The following GALNTL6 variants were observed in gnomAD, a reference collection of about 807,000 sequenced individuals.
The protein encoded by GALNTL6 is polypeptide N-acetylgalactosaminyltransferase like 6.
GALNTL6 carries 46 observed loss-of-function variants against 73.7 expected under a neutral mutation model. That is an observed-to-expected ratio of 0.62 (90% CI 0.49 to 0.80). The LOEUF (loss-of-function observed/expected upper bound fraction) is 0.80. Among genes scored for constraint, GALNTL6 ranks in the 30% least tolerant of loss-of-function variants. The probability of loss-of-function intolerance (pLI) is 0.00; values close to 1 mark genes in which losing one functional copy is unlikely to be tolerated. For synonymous variants in GALNTL6, 259 were observed against 263.7 expected (o/e 0.98, Z 0.17); for missense variants, 604 against 755.0 (o/e 0.80, Z 2.34).
chr4:172,712,451 C>T (rs1177044900), intron 5 of GALNTL6, among the ~76,000 whole-genome samples: 1 of 151,994 alleles, frequency 6.6e-6, no homozygotes, highest in Non-Finnish European at 1.5e-5. Flanking sequence ...ACTCCCCCCA[C>T]CTCACAACAG....
intron 5 of GALNTL6, among the ~76,000 whole-genome samples, chr4:172,705,002 A>T (rs1228360784): frequency 6.6e-6 from 1 of 151,510 alleles, no homozygotes; most frequent in African/African-American, 2.4e-5. Flanking sequence ...AAGTATAGCT[A>T]CTCCTGCCCT....
chr4:172,378,562 ATAAAT>A (rs1189626231), intron 5 of GALNTL6, among the ~76,000 whole-genome samples: 3 of 152,196 alleles, frequency 2.0e-5, no homozygotes, highest in African/African-American at 7.2e-5. Flanking sequence ...ATACTTTGAG[ATAAAT>A]TAGAAAGATG....
At chr4:172,262,447 C>T (rs1297924803) in intron 3 of GALNTL6, among the ~76,000 whole-genome samples, 2 of 151,524 alleles carry the variant, frequency 1.3e-5, no homozygotes, top group African/African-American at 2.4e-5. Flanking sequence ...GCTACTCCTA[C>T]TCACTTTTGG....
rs560272389 is a variant in GALNTL6, at chr4:172,892,788, G to A, written c.1041+9881G>A. Among the ~76,000 whole-genome samples the A allele has an allele frequency of 6.6e-5, 10 of 152,142 alleles. No homozygotes were observed. The East Asian group carries it at 1.9e-3, about 29-fold the overall frequency. ...TTGGTAGAGCCCTTTTCAATTATTGGTGTTGCCTCCATGATTTCTTAGTCT... is the reference window on the plus strand; with the variant it reads ...TTGGTAGAGCCCTTTTCAATTATTGATGTTGCCTCCATGATTTCTTAGTCT... On this transcript the variant is annotated intron_variant, in intron 8 of 12. Coordinates refer to ENST00000506823, the MANE Select transcript of GALNTL6 (RefSeq NM_001034845.3).
chr4:171,853,692 T>C (rs1256901623), intron 2 of GALNTL6, among the ~76,000 whole-genome samples: 1 of 135,684 alleles, frequency 7.4e-6, no homozygotes, highest in African/African-American at 2.7e-5. Context: ...CTCACTGCAA[T>C]CTCTGCCTCC....
At chr4:172,227,095 G>C (rs748638931) in intron 2 of GALNTL6, among the ~76,000 whole-genome samples, 1 of 152,074 alleles carries the variant, frequency 6.6e-6, no homozygotes, top group Non-Finnish European at 1.5e-5. Flanking sequence ...GAGTGAAGTC[G>C]TGAAAATAGT....
At chr4:172,768,901 C>A (rs141481565) in intron 5 of GALNTL6, among the ~76,000 whole-genome samples, 4 of 151,936 alleles carry the variant, frequency 2.6e-5, no homozygotes, top group Admixed American at 2.6e-4. Flanking sequence ...TGTGACCACC[C>A]TGTCTGTATT....
chr4:171,910,816 C>G (rs543069076), intron 2 of GALNTL6, among the ~76,000 whole-genome samples: 1 of 152,172 alleles, frequency 6.6e-6, no homozygotes, highest in African/African-American at 2.4e-5. Flanking sequence ...TCTTAATCAA[C>G]AGGTTGGTAC....
At chr4:172,290,424 T>C (rs1292698160) in intron 3 of GALNTL6, among the ~76,000 whole-genome samples, 3 of 152,110 alleles carry the variant, frequency 2.0e-5, no homozygotes, top group African/African-American at 7.2e-5. Flanking sequence ...TTTCTTAGCT[T>C]TACTTATATT....
Position 172,289,668 on chromosome 4 carries a change from A to G in GALNTL6, c.248-21946A>G, listed in dbSNP as rs1739393321. On this transcript the variant is annotated intron_variant, in intron 3 of 12. Transcript: ENST00000506823. ...AGCTGGCACAATCCTGGCAAGGGTC[A>G]CTCTCAAAATATCCACTGCAACAAA... Among the ~76,000 whole-genome samples the G allele has an allele frequency of 4.6e-5, 7 of 152,176 alleles. No homozygotes were observed. In the South Asian group the frequency reaches 1.4e-3, roughly 32 times the overall value.
intron 2 of GALNTL6, among the ~76,000 whole-genome samples, chr4:171,952,951 A>G (rs986728354): frequency 6.6e-6 from 1 of 152,184 alleles, no homozygotes; most frequent in Non-Finnish European, 1.5e-5. Context: ...TAATAACATC[A>G]TTTAGCAAGT....
At chr4:172,017,412 GC>G (rs1741235731) in intron 2 of GALNTL6, among the ~76,000 whole-genome samples, 1 of 152,076 alleles carries the variant, frequency 6.6e-6, no homozygotes, top group South Asian at 2.1e-4. Context: ...CTCCTGTGGG[GC>G]TATACTCACC....
chr4:172,752,060 A>AC (rs1737456762), intron 5 of GALNTL6, among the ~76,000 whole-genome samples: 1 of 151,744 alleles, frequency 6.6e-6, no homozygotes, highest in Non-Finnish European at 1.5e-5. Flanking sequence ...AAAAAAAAAA[A>AC]AAGCCCACAA....
At chr4:171,877,032 C>T (rs371119724) in intron 2 of GALNTL6, among the ~76,000 whole-genome samples, 9 of 152,144 alleles carry the variant, frequency 5.9e-5, no homozygotes, top group Non-Finnish European at 1.0e-4. Context: ...GCTACTCGAC[C>T]GCCCTCATTA....
chr4:172,278,716 T>C (rs1448376393), intron 3 of GALNTL6, among the ~76,000 whole-genome samples: 1 of 152,184 alleles, frequency 6.6e-6, no homozygotes, highest in Non-Finnish European at 1.5e-5. Context: ...ATAACTATTC[T>C]AGATATAGAA....
At chr4:172,821,629 A>G (rs1741934874) in intron 7 of GALNTL6, among the ~76,000 whole-genome samples, 1 of 152,226 alleles carries the variant, frequency 6.6e-6, no homozygotes, top group Non-Finnish European at 1.5e-5. Context: ...GTTTATAACA[A>G]GATCTAATTC....
At chr4:172,545,355 C>T (rs552974970) in intron 5 of GALNTL6, among the ~76,000 whole-genome samples, 2 of 152,048 alleles carry the variant, frequency 1.3e-5, no homozygotes, top group African/African-American at 4.8e-5. Context: ...GGTAAGAGAA[C>T]GTGAGTGAAT....
chr4:172,985,860 G>A (rs1444673270), intron 10 of GALNTL6, among the ~76,000 whole-genome samples: 1 of 152,190 alleles, frequency 6.6e-6, no homozygotes, highest in African/African-American at 2.4e-5. Flanking sequence ...ATCTATAGGA[G>A]CAATTGGGAG....
At chr4:172,826,955 G>A (rs1356672322) in intron 7 of GALNTL6, among the ~76,000 whole-genome samples, 1 of 152,140 alleles carries the variant, frequency 6.6e-6, no homozygotes, top group African/African-American at 2.4e-5. Context: ...ATGGCATCTT[G>A]ATCATGGGCC....
Sources: allele counts gnomAD v4.1 joint callset (sites outside exome capture counted in the v4.1 genomes callset), GRCh38; gene constraint gnomAD v4.1.1; transcripts MANE v1.5; gene names NCBI Gene and HGNC (gene_info 2026-07-23, HGNC 2026-07-21).